FAM53A: variants seen among roughly 807,000 people sequenced by gnomAD.
FAM53A encodes family with sequence similarity 53 member A.
FAM53A carries 28 observed loss-of-function variants against 26.6 expected under a neutral mutation model. The observed-to-expected ratio is 1.05, with a 90% CI of 0.78 to 1.45. The LOEUF is 1.45. FAM53A is among the 40% of genes most tolerant of loss of function. FAM53A has a pLI of 0.00. For missense variants in FAM53A, 650 were observed against 575.8 expected (o/e 1.13, Z -1.32); for synonymous variants, 290 against 253.1 (o/e 1.15, Z -1.38).
At chr4:1,583,383 C>G in the FAM53A span, among the ~76,000 whole-genome samples, 1 of 152,214 alleles carries the variant, frequency 6.6e-6, no homozygotes, top group Non-Finnish European at 1.5e-5. Context: ...CCAGCACAGG[C>G]CTAAGGCCAA....
At chr4:1,623,957 G>A (rs541222417) in intron 1 of FAM53A, among the ~76,000 whole-genome samples, 9 of 152,138 alleles carry the variant, frequency 5.9e-5, no homozygotes, top group South Asian at 4.1e-4. Context: ...AGCCTCCCCC[G>A]GGACCCTGGG....
chr4:1,609,997 A>G, the FAM53A span, among the ~76,000 whole-genome samples: 1 of 151,796 alleles, frequency 6.6e-6, no homozygotes, highest in Non-Finnish European at 1.5e-5. Context: ...TATAAATTAC[A>G]CAGTTCTTTA....
chr4:1,631,814 A>G (rs1715622964), intron 1 of FAM53A, among the ~76,000 whole-genome samples: 2 of 152,292 alleles, frequency 1.3e-5, no homozygotes, highest in Admixed American at 6.5e-5. Context: ...AGGACGGGGG[A>G]CACATGATAT....
At chr4:1,667,381 A>C (rs969941758) in intron 2 of FAM53A, among the ~76,000 whole-genome samples, 2 of 152,172 alleles carry the variant, frequency 1.3e-5, no homozygotes, top group South Asian at 2.1e-4. Context: ...CTGAGACATC[A>C]GGCAAGCACT....
chr4:1,603,529 G>A, the FAM53A span, among the ~76,000 whole-genome samples: 2 of 152,102 alleles, frequency 1.3e-5, no homozygotes, highest in East Asian at 3.9e-4. Flanking sequence ...GGTGGGGCCC[G>A]GCACCCCATC....
downstream of FAM53A, among the ~76,000 whole-genome samples, chr4:1,613,943 G>T (rs181269970): frequency 6.6e-6 from 1 of 152,210 alleles, no homozygotes; most frequent in Admixed American, 6.5e-5. Context: ...ACATCAGCAG[G>T]CTTCAGAAAC....
At chr4:1,614,343 A>AGAGACGTGAGGGGGATG (rs1560099241), downstream of FAM53A, among the ~76,000 whole-genome samples, 1 of 140,162 alleles carries the variant, frequency 7.1e-6, no homozygotes, top group African/African-American at 3.1e-5. Flanking sequence ...TGAGGGGGAT[A>AGAGACGTGAGGGGGATG]CAGAGAAGTG....
chr4:1,595,709 C>G, the FAM53A span, among the ~76,000 whole-genome samples: 136 of 152,370 alleles, frequency 8.9e-4, no homozygotes, highest in Non-Finnish European at 1.6e-3. Context: ...CTCCCAGGAG[C>G]CAGGCCCGGT....
chr4:1,672,774 T>C (rs1714772992), intron 1 of FAM53A, among the ~76,000 whole-genome samples: 1 of 142,080 alleles, frequency 7.0e-6, no homozygotes, highest in African/African-American at 2.6e-5. Flanking sequence ...TTTTTTTTTT[T>C]TTTTTTTTTT....
chr4:1,611,911 G>A, the FAM53A span, among the ~76,000 whole-genome samples: 1 of 152,232 alleles, frequency 6.6e-6, no homozygotes, highest in Non-Finnish European at 1.5e-5. Flanking sequence ...TGGCAGGGGA[G>A]GTGGTTTTAT....
downstream of FAM53A, among the ~76,000 whole-genome samples, chr4:1,636,497 C>G (rs55807287): frequency 6.6e-6 from 1 of 152,252 alleles, no homozygotes; most frequent in South Asian, 2.1e-4. Context: ...AGATCCCGTC[C>G]GTCCTCGCGC....
intron 4 of FAM53A, among the ~76,000 whole-genome samples, chr4:1,647,740 GGAGTGTGCACCT>G (rs999556077): frequency 3.9e-5 from 6 of 152,184 alleles, no homozygotes; most frequent in Admixed American, 2.0e-4. Flanking sequence ...CACATGAGTG[GGAGTGTGCACCT>G]GAGTGTGCAC....
At chr4:1,636,684 C>G (rs1040223852), downstream of FAM53A, among the ~76,000 whole-genome samples, 3 of 152,246 alleles carry the variant, frequency 2.0e-5, no homozygotes, top group African/African-American at 7.2e-5. Flanking sequence ...AAGAATTGGC[C>G]AATCCACCTC....
chr4:1,655,151 G>A lies in FAM53A; in HGVS notation c.709C>T (p.Pro237Ser), dbSNP rs746562933. 3.8e-6 allele frequency: 6 copies of A among 1,581,952 alleles called. No homozygotes were observed. The South Asian group carries it at 5.7e-5, about 15-fold the overall frequency. The change falls in exon 4 of 5, where the codon CCC becomes TCC. Residue 237 changes from proline to serine, a missense_variant. Pro to Ser is a moderately conservative substitution (Grantham distance 74, BLOSUM62 -1). Transcript: ENST00000308132. ...ERLAGAGTPL[P>S]WASSSPTSTP... ...GACGTGGGGCTGCTGCTGGCCCAGG[G>A]CAGGGGAGTGCCCGCACCCGCGAGT...
At chr4:1,600,939 A>G in the FAM53A span, among the ~76,000 whole-genome samples, 3 of 152,184 alleles carry the variant, frequency 2.0e-5, no homozygotes, top group Non-Finnish European at 4.4e-5. Context: ...CGTCTGGGAC[A>G]TGGCGACCAG....
chr4:1,683,918 C>T (rs1011715245), intron 1 of FAM53A: 4 of 152,244 alleles, frequency 2.6e-5, no homozygotes, highest in Admixed American at 1.3e-4. Flanking sequence ...TGGCCTCCCG[C>T]GTCTGGGTCC....
At chr4:1,653,817 C>T (rs1414381668) in intron 4 of FAM53A, among the ~76,000 whole-genome samples, 1 of 152,246 alleles carries the variant, frequency 6.6e-6, no homozygotes, top group Non-Finnish European at 1.5e-5. Context: ...CTGGGGGATC[C>T]CACCTGGCAC....
chr4:1,633,901 TGG>T (rs1715722477), intron 1 of FAM53A, among the ~76,000 whole-genome samples: 1 of 151,900 alleles, frequency 6.6e-6, no homozygotes, highest in Non-Finnish European at 1.5e-5. Context: ...GGGGCATGAC[TGG>T]GGGGTCTGGC....
chr4:1,653,452 G>A (rs1167526326), intron 4 of FAM53A, among the ~76,000 whole-genome samples: 1 of 152,100 alleles, frequency 6.6e-6, no homozygotes, highest in Non-Finnish European at 1.5e-5. Context: ...CCCACAACGT[G>A]CTGAGCCGGC....
Sources: gnomAD v4.1 joint callset for allele counts (sites outside exome capture counted in the v4.1 genomes callset) on GRCh38, gnomAD v4.1.1 for gene constraint, MANE v1.5 for transcripts, NCBI Gene and HGNC (gene_info 2026-07-23, HGNC 2026-07-21) for gene names.